The following MMP15 variants were observed in gnomAD, a reference collection of about 807,000 sequenced individuals.
The protein encoded by MMP15 is matrix metalloproteinase-15.
In MMP15, 36 loss-of-function variants were observed where a neutral mutation model predicts 65.0. That is an observed-to-expected ratio of 0.55 (90% CI 0.42 to 0.73). MMP15 has a LOEUF of 0.73. Ranked by LOEUF, MMP15 falls within the 30% of genes least tolerant of loss-of-function variation. The pLI, the probability that MMP15 is intolerant of heterozygous loss-of-function variation, is 0.00. For synonymous variants in MMP15, 428 were observed against 410.2 expected (o/e 1.04, Z -0.52); for missense variants, 870 against 987.8 (o/e 0.88, Z 1.60).
At chr16:58,039,174 T>C (rs1038096149) in intron 3 of MMP15, among the ~76,000 whole-genome samples, 1 of 152,252 alleles carries the variant, frequency 6.6e-6, no homozygotes, top group Non-Finnish European at 1.5e-5. Context: ...GGCTCACACC[T>C]GTAATCCCAG....
intron 1 of MMP15, among the ~76,000 whole-genome samples, chr16:58,028,365 C>A (rs1207570863): frequency 1.3e-5 from 2 of 152,166 alleles, no homozygotes; most frequent in South Asian, 2.1e-4. Context: ...CTGGAAGAGA[C>A]CCCGGAAGGT....
At chr16:58,033,776 G>C (rs1163489328) in intron 1 of MMP15, among the ~76,000 whole-genome samples, 1 of 152,232 alleles carries the variant, frequency 6.6e-6, no homozygotes, top group African/African-American at 2.4e-5. Flanking sequence ...GGTGGCACAT[G>C]CCTGCAGTCC....
Position 58,043,214 on chromosome 16 carries a change from C to G in MMP15, c.1308C>G (p.Asp436Glu), listed in dbSNP as rs368273732. The change falls in exon 8 of 10, where the codon GAC (aspartate) becomes GAG (glutamate). Residue 436 changes from aspartate to glutamate, a missense_variant. Physicochemically the swap from Asp to Glu is conservative, Grantham distance 45 (BLOSUM62 2). Coordinates refer to ENST00000219271, the MANE Select transcript of MMP15 (RefSeq NM_002428.4). ...TGCCTGCCACCCCTCCTGTAGGTGA[C>G]CGCTACTGGCTCTTTCGAGAAGCGA... ...QDGRFVFFKGDRYWLFREANL... is the reference protein window; with the variant it reads ...QDGRFVFFKGERYWLFREANL... 2.5e-6 allele frequency: 4 copies of G among 1,589,644 alleles called. No homozygotes were observed. Among genetic ancestry groups the G allele is most frequent in the Non-Finnish European group, 2.6e-6 (3 of 1,166,108 alleles).
chr16:58,039,222 C>T (rs1031191909), intron 3 of MMP15, among the ~76,000 whole-genome samples: 6 of 152,156 alleles, frequency 3.9e-5, no homozygotes, highest in Admixed American at 6.5e-5. Flanking sequence ...CAGCTGAGGT[C>T]GGGAGTTCGA....
chr16:58,037,740 G>GT, intron 2 of MMP15, 120 bp downstream of exon 2: 6 of 1,412,304 alleles, frequency 4.2e-6, no homozygotes, highest in Non-Finnish European at 5.8e-6. Flanking sequence ...ATGCCAAATG[G>GT]TTTGGTCCTC....
Position 58,040,245 on chromosome 16 carries a change from C to G in MMP15, c.748+63C>G, listed in dbSNP as rs553151168. 88 of 1,522,888 alleles carry G rather than the reference C, an allele frequency of 5.8e-5. 1 individual carries two copies. The South Asian group carries it at 9.8e-4, about 17-fold the overall frequency. 94.3% of individuals were successfully genotyped at this position (1,522,888 alleles called of 1,614,324 possible). A position where few individuals can be genotyped will look rare whatever the true frequency, so the allele number is the denominator to read the frequency against. ...GGCCCCGGAGCTGGGCAACAACACC[C>G]TGCTGAGTGGGTTCAGCAGCCGCGG... On this transcript the variant is annotated intron_variant, in intron 4 of 9. Transcript: ENST00000219271.
chr16:58,041,142 G>A (rs145367520), intron 5 of MMP15, among the ~76,000 whole-genome samples: 49 of 151,320 alleles, frequency 3.2e-4, no homozygotes, highest in African/African-American at 7.0e-4. Context: ...GGGCCCACCC[G>A]AGAAAGTCTC....
Position 58,039,960 on chromosome 16 carries a change from C to G in MMP15, c.526C>G (p.Pro176Ala), listed in dbSNP as rs773736310. The G allele has an allele frequency of 6.8e-6, 11 of 1,613,746 alleles. No homozygotes were observed. The highest frequency in any genetic ancestry group is 9.3e-6 in the Non-Finnish European group (11 of 1,180,042). Residue 176 changes from proline to alanine, a missense_variant, in exon 4 of 10, where the codon CCC becomes GCC. Coordinates refer to ENST00000219271, the MANE Select transcript of MMP15 (RefSeq NM_002428.4). ...CTTCCGCGTGTGGGAGCAGGCCACG[C>G]CCCTGGTCTTCCAGGAGGTGCCCTA... ...RAFRVWEQAT[P>A]LVFQEVPYED...
intron 4 of MMP15, 126 bp from the exon 5 acceptor site, chr16:58,040,411 G>T: frequency 1.6e-6 from 2 of 1,254,074 alleles, no homozygotes; most frequent in Non-Finnish European, 2.2e-6. Flanking sequence ...GGCCGAAAGA[G>T]CTCAGCCTCT....
intron 1 of MMP15, among the ~76,000 whole-genome samples, chr16:58,030,752 C>T (rs1465232523): frequency 6.6e-6 from 1 of 152,174 alleles, no homozygotes; most frequent in Non-Finnish European, 1.5e-5. Context: ...ACACGGTGGC[C>T]TACACCCTGT....
chr16:58,043,486 C>T (rs1959495949), intron 8 of MMP15, 26 bp from the exon 9 acceptor site: 2 of 1,611,164 alleles, frequency 1.2e-6, no homozygotes, highest in Non-Finnish European at 1.7e-6. Flanking sequence ...ATCTCTAGGT[C>T]CACAGCCTGG....
At chr16:58,033,727 A>G (rs1959278498) in intron 1 of MMP15, among the ~76,000 whole-genome samples, 1 of 152,194 alleles carries the variant, frequency 6.6e-6, no homozygotes, top group South Asian at 2.1e-4. Context: ...CCATAGTGAA[A>G]CTGTGTCTCT....
At chr16:58,031,984 C>T (rs1034103423) in intron 1 of MMP15, among the ~76,000 whole-genome samples, 1 of 148,582 alleles carries the variant, frequency 6.7e-6, no homozygotes, top group Non-Finnish European at 1.5e-5. Flanking sequence ...TCTCCTGCTT[C>T]AGCCTCCCAA....
chr16:58,029,358 C>T (rs1196727880), intron 1 of MMP15, among the ~76,000 whole-genome samples: 1 of 152,248 alleles, frequency 6.6e-6, no homozygotes, highest in Non-Finnish European at 1.5e-5. Context: ...CTACAGATGC[C>T]ATCTGTGCCC....
At chr16:58,033,497 CCT>C (rs1425685848) in intron 1 of MMP15, among the ~76,000 whole-genome samples, 2 of 152,238 alleles carry the variant, frequency 1.3e-5, no homozygotes, top group African/African-American at 4.8e-5. Flanking sequence ...GCGGTTATGA[CCT>C]CTCCTGTGTG....
rs1170607448 is a variant in MMP15 at position 58,041,606 on chromosome 16, CCT to C, written c.911-6_911-5del. The C allele has an allele frequency of 1.3e-6, 2 of 1,569,652 alleles. No individual in the cohort carries two copies. The highest frequency in any genetic ancestry group is 1.2e-5 in the South Asian group (1 of 85,688). On this transcript the variant is annotated splice_polypyrimidine_tract_variant and intron_variant, in intron 5 of 9. Transcript: ENST00000219271. ...CACAGACCTCACTTCTGAACCCCTG[CCT>C]CTCTGCAGGTACCCCAGACGGTCAG...
In MMP15 at chr16:58,042,468, G is replaced by T. The variant is rs369523986; in HGVS notation, c.1303+99G>T. On this transcript the variant is annotated intron_variant, in intron 7 of 9. Coordinates refer to ENST00000219271, the MANE Select transcript of MMP15 (RefSeq NM_002428.4). ...GAGGAGGTGAAGGGTTGCATTGCAT[G>T]TCTGGTCCTGTGCCCCCACTGTGGG... 8 of 1,486,196 alleles carry T rather than the reference G, an allele frequency of 5.4e-6. No individual in the cohort carries two copies. The African/African-American group carries it at 9.7e-5, about 18-fold the overall frequency. The allele number at this position is 1,486,196 out of a possible 1,614,324, so 92.1% of individuals were successfully genotyped here.
intron 9 of MMP15, 84 bp from the exon 10 acceptor site, chr16:58,044,923 G>A: frequency 6.9e-7 from 1 of 1,447,920 alleles, no homozygotes; most frequent in East Asian, 2.3e-5. Flanking sequence ...GTGTTTTGAA[G>A]CCCTCAGCAT....
rs3784908 is a variant in MMP15, at chr16:58,035,317, G to A, written c.163-2155G>A. ...TGGGAATGCGCCCTGGGCCAGAGGT[G>A]AGGAGTGCTAGTGGAGGGGCCCTAG... is the stretch of plus-strand genomic sequence containing the variant. On this transcript the variant is annotated intron_variant, in intron 1 of 9. Transcript: ENST00000219271. Among the ~76,000 whole-genome samples, 1,306 of 152,344 alleles carry A rather than the reference G, an allele frequency of 8.6e-3. 17 individuals carry two copies. The highest frequency in any genetic ancestry group is 0.026 in the African/African-American group (1,075 of 41,580).
Sources: gnomAD v4.1 joint callset for allele counts (sites outside exome capture counted in the v4.1 genomes callset) on GRCh38, gnomAD v4.1.1 for gene constraint, MANE v1.5 for transcripts, NCBI Gene and HGNC (gene_info 2026-07-23, HGNC 2026-07-21) for gene names.